Variants in L3MBTL4 observed in about 807,000 individuals in gnomAD.
The protein encoded by L3MBTL4 is L3MBTL histone methyl-lysine binding protein 4, also known as lethal(3)malignant brain tumor-like protein 4.
In L3MBTL4, 70 loss-of-function variants were observed where a neutral mutation model predicts 84.5. The ratio of observed to expected loss-of-function variants is 0.83; its 90% CI spans 0.68 to 1.01. The LOEUF is 1.01. Ranked by LOEUF, L3MBTL4 falls within the 50% of genes least tolerant of loss-of-function variation. The pLI, the probability that L3MBTL4 is intolerant of heterozygous loss-of-function variation, is 0.00. For missense variants in L3MBTL4, 715 were observed against 754.8 expected (o/e 0.95, Z 0.62); for synonymous variants, 274 against 259.8 (o/e 1.05, Z -0.52).
chr18:6,241,351 T>C lies in L3MBTL4; in HGVS notation c.552+7A>G, dbSNP rs766023108. Reference sequence around the variant, plus strand: ...ATTTGATTTATGCTGGGAAAGAAAATACTTACAGGACTTCTGTTTCTGAAT... The same window carrying C: ...ATTTGATTTATGCTGGGAAAGAAAACACTTACAGGACTTCTGTTTCTGAAT... On this transcript the variant is annotated splice_region_variant and intron_variant, in intron 8 of 18. Transcript: ENST00000317931. The C allele has an allele frequency of 3.3e-6, 5 of 1,511,118 alleles. No homozygotes were observed. The Admixed American group carries it at 5.4e-5, about 16-fold the overall frequency. 93.6% of individuals were successfully genotyped at this position (1,511,118 alleles called of 1,614,324 possible).
At chr18:6,341,400 T>C (rs1421943650) in intron 1 of L3MBTL4, among the ~76,000 whole-genome samples, 3 of 151,992 alleles carry the variant, frequency 2.0e-5, no homozygotes, top group Admixed American at 2.0e-4. Context: ...AAACAATGCA[T>C]ATGTGAAGTT....
intron 16 of L3MBTL4, among the ~76,000 whole-genome samples, chr18:6,011,009 C>T (rs1260940738): frequency 6.6e-6 from 1 of 152,160 alleles, no homozygotes; most frequent in African/African-American, 2.4e-5. Flanking sequence ...TGTTGGTCTC[C>T]TTATTCCAAA....
chr18:6,089,105 A>G (rs1362288807), intron 15 of L3MBTL4, among the ~76,000 whole-genome samples: 1 of 152,176 alleles, frequency 6.6e-6, no homozygotes, highest in African/African-American at 2.4e-5. Flanking sequence ...ACACTTAGGC[A>G]GGTAAAAAAA....
intron 1 of L3MBTL4, among the ~76,000 whole-genome samples, chr18:6,315,270 C>T (rs938502153): frequency 1.3e-5 from 2 of 152,112 alleles, no homozygotes; most frequent in African/African-American, 4.8e-5. Context: ...AAAGATACTG[C>T]CAGCCTAGAA....
At chr18:6,146,053 G>A (rs1568197979) in intron 13 of L3MBTL4, among the ~76,000 whole-genome samples, 1 of 152,236 alleles carries the variant, frequency 6.6e-6, no homozygotes, top group Admixed American at 6.5e-5. Context: ...GAGAGCACGG[G>A]ACACGCTGGG....
intron 16 of L3MBTL4, among the ~76,000 whole-genome samples, chr18:6,052,872 G>A (rs536330448): frequency 2.0e-5 from 3 of 152,316 alleles, no homozygotes; most frequent in African/African-American, 4.8e-5. Flanking sequence ...GGACGAAATC[G>A]TGCTATACAA....
intron 10 of L3MBTL4, among the ~76,000 whole-genome samples, chr18:6,228,803 G>T (rs569149565): frequency 1.3e-5 from 2 of 152,098 alleles, no homozygotes; most frequent in Non-Finnish European, 2.9e-5. Context: ...GGCACATGGG[G>T]GTCATTGTCA....
intron 14 of L3MBTL4, among the ~76,000 whole-genome samples, chr18:6,113,624 T>TAAAAATGG (rs1174050079): frequency 2.0e-5 from 3 of 152,120 alleles, no homozygotes; most frequent in Non-Finnish European, 4.4e-5. Context: ...CTTTATTTGG[T>TAAAAATGG]AAAAATGGAA....
At chr18:6,100,927 G>A (rs963455255) in intron 14 of L3MBTL4, among the ~76,000 whole-genome samples, 2 of 152,222 alleles carry the variant, frequency 1.3e-5, no homozygotes, top group African/African-American at 4.8e-5. Flanking sequence ...CACTGATGCT[G>A]GGGGCAGGCT....
At chr18:6,000,818 A>G (rs1341906523) in intron 16 of L3MBTL4, among the ~76,000 whole-genome samples, 1 of 152,212 alleles carries the variant, frequency 6.6e-6, no homozygotes, top group African/African-American at 2.4e-5. Flanking sequence ...TATTGTCTCA[A>G]AACTTTCAAA....
At chr18:6,283,517 C>T (rs912107716) in intron 4 of L3MBTL4, among the ~76,000 whole-genome samples, 2 of 152,100 alleles carry the variant, frequency 1.3e-5, no homozygotes, top group African/African-American at 2.4e-5. Context: ...ATTTAATTCT[C>T]TAAATAGTTT....
At chr18:6,310,354 G>A (rs1052323165) in intron 3 of L3MBTL4, among the ~76,000 whole-genome samples, 4 of 152,188 alleles carry the variant, frequency 2.6e-5, no homozygotes, top group African/African-American at 9.7e-5. Context: ...TGGACCCAGG[G>A]AACTGGCCCC....
At chr18:5,985,537 C>G (rs1192687075) in intron 16 of L3MBTL4, among the ~76,000 whole-genome samples, 1 of 152,122 alleles carries the variant, frequency 6.6e-6, no homozygotes, top group Non-Finnish European at 1.5e-5. Context: ...GAGATTTGCC[C>G]GAAGGTAGCA....
At chr18:6,266,179 A>C (rs115488927) in intron 4 of L3MBTL4, among the ~76,000 whole-genome samples, 1,890 of 152,282 alleles carry the variant, frequency 0.012, 35 homozygotes, top group African/African-American at 0.042. Context: ...TTATACAGCA[A>C]CTTCTATGTG....
chr18:6,092,817 G>A (rs2058504350), intron 15 of L3MBTL4, among the ~76,000 whole-genome samples: 1 of 152,200 alleles, frequency 6.6e-6, no homozygotes, highest in Non-Finnish European at 1.5e-5. Flanking sequence ...ATGAGAACTG[G>A]TATTTAGAAT....
chr18:6,061,881 C>A (rs1439492927), intron 16 of L3MBTL4, among the ~76,000 whole-genome samples: 1 of 151,890 alleles, frequency 6.6e-6, no homozygotes, highest in Non-Finnish European at 1.5e-5. Context: ...CATGCAAGCA[C>A]CTTATAGCAG....
intron 10 of L3MBTL4, among the ~76,000 whole-genome samples, chr18:6,216,281 T>G (rs942531578): frequency 9.2e-5 from 14 of 152,356 alleles, no homozygotes; most frequent in Admixed American, 2.6e-4. Context: ...AAAGCTTTAG[T>G]CTCATTATTA....
At chr18:5,984,733 G>A (rs898670257) in intron 16 of L3MBTL4, among the ~76,000 whole-genome samples, 1 of 152,126 alleles carries the variant, frequency 6.6e-6, no homozygotes, top group Non-Finnish European at 1.5e-5. Context: ...TAATTGATAC[G>A]CTAGAGTAAT....
At chr18:6,088,298 C>T (rs1387035032) in intron 15 of L3MBTL4, among the ~76,000 whole-genome samples, 1 of 152,132 alleles carries the variant, frequency 6.6e-6, no homozygotes, top group Non-Finnish European at 1.5e-5. Flanking sequence ...TCCTTGGCAC[C>T]TAGTAGGTTG....
Sources: allele counts gnomAD v4.1 joint callset (sites outside exome capture counted in the v4.1 genomes callset), GRCh38; gene constraint gnomAD v4.1.1; transcripts MANE v1.5; gene names NCBI Gene and HGNC (gene_info 2026-07-23, HGNC 2026-07-21).